PCDH15: variants seen among roughly 807,000 people sequenced by gnomAD.
PCDH15 encodes the protein protocadherin related 15, also known as protocadherin-15.
Under a neutral mutation model 178.5 loss-of-function variants are expected in PCDH15, and 129 were observed. That is an observed-to-expected ratio of 0.72 (90% CI 0.63 to 0.84). PCDH15 has a LOEUF of 0.84. PCDH15 is among the 40% of genes least tolerant of loss of function. PCDH15 has a pLI of 0.00. For synonymous variants in PCDH15, 800 were observed against 732.0 expected, an observed-to-expected ratio of 1.09 and a Z score of -1.50; for missense variants, 2,230 against 2,099.9, an observed-to-expected ratio of 1.06 and a Z score of -1.21.
intron 2 of PCDH15, among the ~76,000 whole-genome samples, chr10:55,112,816 T>C (rs1591912546): frequency 6.6e-6 from 1 of 152,108 alleles, no homozygotes; most frequent in Non-Finnish European, 1.5e-5. Context: ...AAAAGGTAGA[T>C]AGTAGCTAGA....
Position 54,457,954 on chromosome 10 carries a change from C to T in PCDH15, c.157+69858G>A, listed in dbSNP as rs192621598. On this transcript the variant is annotated intron_variant, in intron 3 of 37. Coordinates refer to ENST00000644397, the MANE Select transcript of PCDH15 (RefSeq NM_001384140.1). ...CTGTATATGGGATGTTGTTTCCATA[C>T]ATCAGTGGCCACTGAATAACAATAA... 1.1e-4 allele frequency among the ~76,000 whole-genome samples: 16 copies of T among 152,240 alleles called. No individual in the cohort carries two copies. The East Asian group carries it at 3.1e-3, about 29-fold the overall frequency.
At chr10:54,951,962 T>C (rs1170952786) in intron 2 of PCDH15, among the ~76,000 whole-genome samples, 1 of 151,876 alleles carries the variant, frequency 6.6e-6, no homozygotes, top group Non-Finnish European at 1.5e-5. Flanking sequence ...CAGATAATTA[T>C]GTTGAAAATT....
chr10:55,362,765 C>A (rs952273605), intron 2 of PCDH15, among the ~76,000 whole-genome samples: 5 of 152,030 alleles, frequency 3.3e-5, no homozygotes, highest in African/African-American at 4.8e-5. Context: ...TCGTGATGTC[C>A]TTTAACAGCC....
intron 2 of PCDH15, among the ~76,000 whole-genome samples, chr10:55,332,711 T>C (rs1244095293): frequency 6.6e-6 from 1 of 152,160 alleles, no homozygotes. Context: ...GTTCTCATAA[T>C]ATTGAATAAG....
chr10:53,926,958 T>C (rs1436246031), intron 25 of PCDH15, among the ~76,000 whole-genome samples: 1 of 152,202 alleles, frequency 6.6e-6, no homozygotes, highest in Non-Finnish European at 1.5e-5. Context: ...AAATATGTGA[T>C]ATATATTTGT....
At chr10:54,911,003 T>C (rs1290753611) in intron 2 of PCDH15, among the ~76,000 whole-genome samples, 1 of 152,172 alleles carries the variant, frequency 6.6e-6, no homozygotes, top group Non-Finnish European at 1.5e-5. Context: ...ATGAGATTAG[T>C]GCTCAGGTAT....
intron 3 of PCDH15, among the ~76,000 whole-genome samples, chr10:54,408,156 G>A: frequency 6.8e-6 from 1 of 147,584 alleles, no homozygotes; most frequent in African/African-American, 2.5e-5. Flanking sequence ...AACATAATTA[G>A]CTGTTTTTTT....
At chr10:55,390,874 G>A (rs767038353) in intron 2 of PCDH15, among the ~76,000 whole-genome samples, 2 of 152,310 alleles carry the variant, frequency 1.3e-5, no homozygotes, top group Admixed American at 6.5e-5. Flanking sequence ...TGTGAAAACA[G>A]ATGTACAATC....
chr10:54,859,648 T>C (rs1282474050), intron 3 of PCDH15, among the ~76,000 whole-genome samples: 1 of 151,938 alleles, frequency 6.6e-6, no homozygotes, highest in African/African-American at 2.4e-5. Context: ...AACAGCAGTG[T>C]TCTCCATGTA....
chr10:54,471,998 G>A (rs1205730312), intron 3 of PCDH15, among the ~76,000 whole-genome samples: 1 of 151,854 alleles, frequency 6.6e-6, no homozygotes, highest in Non-Finnish European at 1.5e-5. Context: ...TTACTTTTTA[G>A]CATTAAGCCA....
chr10:54,239,185 T>C (rs2054963017), intron 8 of PCDH15, among the ~76,000 whole-genome samples: 1 of 152,104 alleles, frequency 6.6e-6, no homozygotes, highest in African/African-American at 2.4e-5. Flanking sequence ...TATTTATTTC[T>C]ATAGATTTGC....
chr10:53,980,325 C>A (rs2134596401), intron 21 of PCDH15, among the ~76,000 whole-genome samples: 1 of 151,788 alleles, frequency 6.6e-6, no homozygotes, highest in South Asian at 2.1e-4. Context: ...GTCTTTTAAA[C>A]AAAAAGTCTT....
At chr10:54,323,470 C>A (rs7894769) in intron 7 of PCDH15, among the ~76,000 whole-genome samples, 31,177 of 151,988 alleles carry the variant, frequency 0.21, 3,249 homozygotes, top group Admixed American at 0.23. Context: ...AACCTAGGTG[C>A]CCATCAATAG....
intron 8 of PCDH15, among the ~76,000 whole-genome samples, chr10:54,308,093 A>G (rs1334418311): frequency 6.6e-6 from 1 of 152,082 alleles, no homozygotes; most frequent in African/African-American, 2.4e-5. Flanking sequence ...CATACCCAAC[A>G]TCACACAAGA....
chr10:54,632,024 A>G (rs1251183541), intron 2 of PCDH15, among the ~76,000 whole-genome samples: 1 of 152,092 alleles, frequency 6.6e-6, no homozygotes, highest in Non-Finnish European at 1.5e-5. Context: ...TCATCAAGAC[A>G]TGGAATCAAC....
chr10:54,099,580 C>CA (rs11429187), intron 15 of PCDH15, among the ~76,000 whole-genome samples: 1,813 of 144,568 alleles, frequency 0.013, 23 homozygotes, highest in African/African-American at 0.031. Flanking sequence ...TATCAAAGAT[C>CA]AATTGTCCAT....
At chr10:53,810,806 G>C (rs924066310) in intron 36 of PCDH15, 142 bp from the exon 37 acceptor site, 8 of 749,758 alleles carry the variant, frequency 1.1e-5, no homozygotes, top group Non-Finnish European at 1.8e-5. Flanking sequence ...TTGTAAACTA[G>C]TTACAAAACT....
chr10:55,129,185 C>T (rs1208239183), intron 2 of PCDH15, among the ~76,000 whole-genome samples: 1 of 152,060 alleles, frequency 6.6e-6, no homozygotes, highest in African/African-American at 2.4e-5. Context: ...ATTTGCTATA[C>T]AAAAGTCATT....
intron 1 of PCDH15, among the ~76,000 whole-genome samples, chr10:54,686,253 TATATAA>T (rs1012895282): frequency 6.6e-5 from 10 of 151,930 alleles, no homozygotes; most frequent in African/African-American, 2.2e-4. Flanking sequence ...ACCAAACTAT[TATATAA>T]ATATAGATTA....
Sources: gnomAD v4.1 joint callset for allele counts (sites outside exome capture counted in the v4.1 genomes callset) on GRCh38, gnomAD v4.1.1 for gene constraint, MANE v1.5 for transcripts, NCBI Gene and HGNC (gene_info 2026-07-23, HGNC 2026-07-21) for gene names.